The following DLG2 variants were observed in gnomAD, a reference collection of about 807,000 sequenced individuals.
DLG2 encodes disks large homolog 2.
In DLG2, 45 loss-of-function variants were observed where a neutral mutation model predicts 132.5. That is an observed-to-expected ratio of 0.34 (90% CI 0.27 to 0.44). The LOEUF (loss-of-function observed/expected upper bound fraction) is 0.44, where lower values mean the gene tolerates loss of function less well. DLG2 is among the 20% of genes least tolerant of loss of function. The pLI, the probability that DLG2 is intolerant of heterozygous loss-of-function variation, is 1.00. For synonymous variants in DLG2, 424 were observed against 419.6 expected (o/e 1.01, Z -0.13); for missense variants, 1,045 against 1,196.9 (o/e 0.87, Z 1.87).
chr11:83,515,135 C>G (rs1012043089), intron 21 of DLG2, among the ~76,000 whole-genome samples: 60 of 152,104 alleles, frequency 3.9e-4, no homozygotes, highest in Non-Finnish European at 6.3e-4. Flanking sequence ...TGGTAGAATT[C>G]GGCTGTGAAT....
chr11:84,179,314 A>G (rs974539582), intron 8 of DLG2, among the ~76,000 whole-genome samples: 4 of 152,204 alleles, frequency 2.6e-5, no homozygotes, highest in African/African-American at 9.6e-5. Context: ...CTGAAAAATC[A>G]ACAACTATTG....
At chr11:83,947,867 CT>C (rs1256053117) in intron 14 of DLG2, among the ~76,000 whole-genome samples, 6 of 152,104 alleles carry the variant, frequency 3.9e-5, no homozygotes, top group African/African-American at 1.4e-4. Context: ...CACTTACTTT[CT>C]AATTGTCAAA....
intron 22 of DLG2, among the ~76,000 whole-genome samples, chr11:83,478,303 G>A (rs1326303438): frequency 1.3e-5 from 2 of 152,206 alleles, no homozygotes; most frequent in Middle Eastern, 3.4e-3. Context: ...AACAAACTGA[G>A]TGGCTGGCCT....
chr11:85,006,185 C>T (rs969508455), intron 6 of DLG2, among the ~76,000 whole-genome samples: 23 of 152,082 alleles, frequency 1.5e-4, no homozygotes, highest in South Asian at 2.1e-4. Flanking sequence ...CTGAAATTTT[C>T]GTTTTTTGTT....
intron 12 of DLG2, among the ~76,000 whole-genome samples, chr11:83,975,903 T>G (rs2092134003): frequency 6.6e-6 from 1 of 151,920 alleles, no homozygotes; most frequent in Non-Finnish European, 1.5e-5. Context: ...ACTTATTACC[T>G]AATAAATAGT....
Position 83,817,507 on chromosome 11 carries a change from C to T in DLG2, c.1722+16107G>A, listed in dbSNP as rs1006746687. On this transcript the variant is annotated intron_variant, in intron 17 of 27. Transcript: ENST00000376104. ...CTTTATTTGGATGGTTAAGTTATAA[C>T]CAATGGACTCTGAAAAAAGTATGAA... 2.0e-5 allele frequency among the ~76,000 whole-genome samples: 3 copies of T among 152,014 alleles called. No individual in the cohort carries two copies. The East Asian group carries it at 5.8e-4, about 29-fold the overall frequency.
rs138292914 is a variant in DLG2, at chr11:84,345,658, A to C, written c.520-94367T>G. Among the ~76,000 whole-genome samples the C allele has an allele frequency of 1.1e-4, 17 of 152,058 alleles. No homozygotes were observed. In the East Asian group the frequency reaches 3.3e-3, roughly 29 times the overall value. On this transcript the variant is annotated intron_variant, in intron 7 of 27. Coordinates refer to ENST00000376104, the MANE Select transcript of DLG2 (RefSeq NM_001142699.3). ...TTTTCTTTTCTTTTTTTTTAACCTGAGGTTTCAAAATCCTTCTCTGGTACT... is the reference window on the plus strand; with the variant it reads ...TTTTCTTTTCTTTTTTTTTAACCTGCGGTTTCAAAATCCTTCTCTGGTACT...
rs577188500 is a variant in DLG2, at chr11:85,395,035, C to A, written c.41-109670G>T. 2.6e-5 allele frequency among the ~76,000 whole-genome samples: 4 copies of A among 152,252 alleles called. No homozygotes were observed. The East Asian group carries it at 7.7e-4, about 29-fold the overall frequency. On this transcript the variant is annotated intron_variant, in intron 3 of 27. Coordinates refer to ENST00000376104, the MANE Select transcript of DLG2 (RefSeq NM_001142699.3). ...TACCTGTCTTGCAAATGCCAAAGAC[C>A]ATGCTTCTGTCTGTAAGATCTCCCA...
chr11:85,399,011 G>T (rs185631415), intron 3 of DLG2, among the ~76,000 whole-genome samples: 33 of 152,264 alleles, frequency 2.2e-4, no homozygotes, highest in African/African-American at 4.8e-4. Context: ...CAGACCACAT[G>T]ATTGTATATT....
intron 7 of DLG2, among the ~76,000 whole-genome samples, chr11:84,285,625 G>A (rs955746809): frequency 6.6e-6 from 1 of 152,104 alleles, no homozygotes; most frequent in African/African-American, 2.4e-5. Context: ...TCTTCCAGAT[G>A]TGAAAATTAA....
intron 18 of DLG2, among the ~76,000 whole-genome samples, chr11:83,679,361 C>T (rs2078333750): frequency 6.6e-6 from 1 of 151,980 alleles, no homozygotes; most frequent in East Asian, 1.9e-4. Flanking sequence ...GAATTCTGGC[C>T]TAGTTGTTAT....
At chr11:84,975,666 T>A (rs2054797548) in intron 6 of DLG2, among the ~76,000 whole-genome samples, 1 of 152,200 alleles carries the variant, frequency 6.6e-6, no homozygotes, top group Non-Finnish European at 1.5e-5. Flanking sequence ...ATCAACACAA[T>A]CTTAACTGCT....
At chr11:85,589,077 G>T (rs755071810) in intron 3 of DLG2, among the ~76,000 whole-genome samples, 7 of 152,174 alleles carry the variant, frequency 4.6e-5, no homozygotes, top group Non-Finnish European at 7.3e-5. Context: ...GAGGTGGCAG[G>T]GGCGTGAAAT....
chr11:85,012,838 A>G (rs551034391), intron 6 of DLG2, among the ~76,000 whole-genome samples: 1 of 152,276 alleles, frequency 6.6e-6, no homozygotes, highest in South Asian at 2.1e-4. Flanking sequence ...AAAAAACTTG[A>G]TTTGAATTCC....
chr11:83,827,174 T>C (rs1345256517), intron 17 of DLG2, among the ~76,000 whole-genome samples: 2 of 151,964 alleles, frequency 1.3e-5, no homozygotes, highest in Admixed American at 1.3e-4. Context: ...GAAGAAATAA[T>C]TTTGGACATC....
intron 6 of DLG2, among the ~76,000 whole-genome samples, chr11:84,932,736 AT>A (rs2048249722): frequency 6.6e-6 from 1 of 151,582 alleles, no homozygotes; most frequent in Non-Finnish European, 1.5e-5. Flanking sequence ...ATATATATAT[AT>A]ACTACATTTT....
intron 16 of DLG2, among the ~76,000 whole-genome samples, chr11:83,843,220 G>C (rs1030961241): frequency 2.6e-5 from 4 of 152,120 alleles, no homozygotes; most frequent in African/African-American, 9.7e-5. Context: ...TCTCATCCCA[G>C]GTTGTTCCTC....
intron 4 of DLG2, among the ~76,000 whole-genome samples, chr11:85,222,025 C>T (rs1176598298): frequency 6.6e-6 from 1 of 151,974 alleles, no homozygotes; most frequent in African/African-American, 2.4e-5. Flanking sequence ...ACAAGCTCCA[C>T]CTCCCGGGTT....
chr11:84,127,854 T>C (rs1490680157), intron 9 of DLG2, among the ~76,000 whole-genome samples: 1 of 152,204 alleles, frequency 6.6e-6, no homozygotes, highest in Non-Finnish European at 1.5e-5. Context: ...GACCTCATCT[T>C]AACTTCATCA....
Sources: allele counts gnomAD v4.1 joint callset (sites outside exome capture counted in the v4.1 genomes callset), GRCh38; gene constraint gnomAD v4.1.1; transcripts MANE v1.5; gene names NCBI Gene and HGNC (gene_info 2026-07-23, HGNC 2026-07-21).